Variants in PRKCE observed in about 807,000 individuals in gnomAD.
PRKCE encodes protein kinase C epsilon type.
Under a neutral mutation model 85.4 loss-of-function variants are expected in PRKCE, and 16 were observed. The ratio of observed to expected loss-of-function variants is 0.19; its 90% CI spans 0.13 to 0.28. The LOEUF (loss-of-function observed/expected upper bound fraction) is 0.28. PRKCE is among the 10% of genes least tolerant of loss of function. The probability of loss-of-function intolerance (pLI) is 1.00; values close to 1 mark genes in which losing one functional copy is unlikely to be tolerated. For synonymous variants in PRKCE, 388 were observed against 371.5 expected (o/e 1.04, Z -0.51); for missense variants, 573 against 975.2 (o/e 0.59, Z 5.49).
rs188515448 is a variant in PRKCE at position 45,815,308 on chromosome 2, G to T, written c.349-27692G>T. Among the ~76,000 whole-genome samples the T allele has an allele frequency of 3.2e-4, 49 of 152,330 alleles. 1 individual carries two copies. The highest frequency in any genetic ancestry group is 2.3e-3 in the South Asian group (11 of 4,820). On this transcript the variant is annotated intron_variant, in intron 1 of 14. Transcript: ENST00000306156. ...GTGTTAGTTCTAGAACCTAAAGAAA[G>T]CAGTATGTTCTTTGAGCTGCAAGTG...
At chr2:45,974,036 C>G (rs1243924098) in intron 2 of PRKCE, among the ~76,000 whole-genome samples, 1 of 152,166 alleles carries the variant, frequency 6.6e-6, no homozygotes, top group Non-Finnish European at 1.5e-5. Context: ...AACCTGCATC[C>G]TGTGTCCTAT....
chr2:45,708,409 G>C (rs893414707), intron 1 of PRKCE, among the ~76,000 whole-genome samples: 1 of 152,172 alleles, frequency 6.6e-6, no homozygotes, highest in African/African-American at 2.4e-5. Flanking sequence ...CCTGGTGGGA[G>C]GTAATTGAAT....
chr2:45,677,055 A>G (rs1053923945), intron 1 of PRKCE: 20 of 152,084 alleles, frequency 1.3e-4, no homozygotes, highest in African/African-American at 3.6e-4. Flanking sequence ...AGAAGGCGAC[A>G]TTTCAGCAGA....
At chr2:45,701,828 C>A (rs1266571234) in intron 1 of PRKCE, among the ~76,000 whole-genome samples, 3 of 152,150 alleles carry the variant, frequency 2.0e-5, no homozygotes, top group Non-Finnish European at 2.9e-5. Context: ...CTTAGAGACA[C>A]CGACGAGTCT....
chr2:45,693,258 A>T (rs143381824), intron 1 of PRKCE, among the ~76,000 whole-genome samples: 285 of 152,298 alleles, frequency 1.9e-3, no homozygotes, highest in African/African-American at 6.6e-3. Flanking sequence ...GCAGAGAGTA[A>T]ACTTGAAAGG....
chr2:45,757,087 C>T (rs746974657), intron 1 of PRKCE, among the ~76,000 whole-genome samples: 4 of 151,960 alleles, frequency 2.6e-5, no homozygotes, highest in Admixed American at 6.6e-5. Context: ...CCCATCTCTA[C>T]TCCAAATACA....
At chr2:46,154,676 T>C (rs1677023928) in intron 13 of PRKCE, among the ~76,000 whole-genome samples, 1 of 151,772 alleles carries the variant, frequency 6.6e-6, no homozygotes, top group African/African-American at 2.4e-5. Context: ...TTTCTCCTGC[T>C]GCCCTCTTAG....
chr2:46,012,883 A>G (rs181031933), intron 10 of PRKCE, among the ~76,000 whole-genome samples: 5 of 152,360 alleles, frequency 3.3e-5, no homozygotes, highest in African/African-American at 1.2e-4. Context: ...ATGGCAGAAC[A>G]GTGATCAAGC....
chr2:45,766,053 A>C lies in PRKCE; in HGVS notation c.349-76947A>C, dbSNP rs143756203. Among the ~76,000 whole-genome samples, 69 of 152,280 alleles carry C rather than the reference A, an allele frequency of 4.5e-4. No individual in the cohort carries two copies. The East Asian group carries it at 0.012, about 27-fold the overall frequency. On this transcript the variant is annotated intron_variant, in intron 1 of 14. Coordinates refer to ENST00000306156, the MANE Select transcript of PRKCE (RefSeq NM_005400.3). ...AGAAAAGTTAAAACAAATACTGGAGATAGGGGAGATTATTTTAGGACTCTG... is the reference window on the plus strand; with the variant it reads ...AGAAAAGTTAAAACAAATACTGGAGCTAGGGGAGATTATTTTAGGACTCTG...
chr2:46,115,784 A>T (rs1672707832), intron 11 of PRKCE, among the ~76,000 whole-genome samples: 1 of 152,198 alleles, frequency 6.6e-6, no homozygotes, highest in Non-Finnish European at 1.5e-5. Flanking sequence ...GTTTGTAATT[A>T]GCACCCCATC....
intron 11 of PRKCE, among the ~76,000 whole-genome samples, chr2:46,123,477 T>G (rs1309371268): frequency 6.6e-6 from 1 of 152,028 alleles, no homozygotes; most frequent in African/African-American, 2.4e-5. Context: ...GCAAACTTTA[T>G]GGGTTTCTTT....
intron 2 of PRKCE, among the ~76,000 whole-genome samples, chr2:45,946,786 T>G (rs989192608): frequency 3.3e-5 from 5 of 152,250 alleles, no homozygotes; most frequent in African/African-American, 9.6e-5. Flanking sequence ...AACATGGGTG[T>G]GACCATGTTC....
chr2:45,688,828 G>A (rs926833968), intron 1 of PRKCE, among the ~76,000 whole-genome samples: 1 of 152,236 alleles, frequency 6.6e-6, no homozygotes, highest in Non-Finnish European at 1.5e-5. Flanking sequence ...CCTACTGCAA[G>A]TGCTCCTTGT....
At chr2:45,740,072 C>A (rs1427477702) in intron 1 of PRKCE, among the ~76,000 whole-genome samples, 4 of 150,858 alleles carry the variant, frequency 2.7e-5, no homozygotes, top group African/African-American at 9.8e-5. Context: ...GCCCCAACTA[C>A]CTGGGAGGCT....
At chr2:45,717,425 G>C (rs1680231409) in intron 1 of PRKCE, among the ~76,000 whole-genome samples, 1 of 152,058 alleles carries the variant, frequency 6.6e-6, no homozygotes, top group South Asian at 2.1e-4. Context: ...ATCTATACAT[G>C]GGCACATGCA....
chr2:45,991,975 G>C (rs985587705), intron 6 of PRKCE, among the ~76,000 whole-genome samples: 1 of 152,180 alleles, frequency 6.6e-6, no homozygotes, highest in African/African-American at 2.4e-5. Context: ...TAACTGAAAA[G>C]CATGTTGTCC....
At chr2:46,046,586 C>T (rs1708537520) in intron 10 of PRKCE, among the ~76,000 whole-genome samples, 1 of 152,188 alleles carries the variant, frequency 6.6e-6, no homozygotes, top group African/African-American at 2.4e-5. Context: ...AAGCATGTGG[C>T]ATTTTTCTAA....
intron 13 of PRKCE, among the ~76,000 whole-genome samples, chr2:46,153,752 TTCTTCCTCC>T (rs1676878488): frequency 6.6e-6 from 1 of 151,186 alleles, no homozygotes; most frequent in East Asian, 1.9e-4. Context: ...CCTCTTCCTC[TTCTTCCTCC>T]TCTTCCTCTT....
At position 45,905,813 on chromosome 2, in the gene PRKCE, T is replaced by A. The variant is rs76692194; in HGVS notation, c.412+62750T>A. ...TTGACCTGAACTGCTTACTCAACTC[T>A]GTACTCAGTTACAAATTGGGTGAGA... On this transcript the variant is annotated intron_variant, in intron 2 of 14. Coordinates refer to ENST00000306156, the MANE Select transcript of PRKCE (RefSeq NM_005400.3). This position sits in a 1 kb window ranked among gnomAD's most constrained non-coding sequence, Gnocchi z 4.4. 0.074 allele frequency among the ~76,000 whole-genome samples: 11,273 copies of A among 152,316 alleles called. 930 individuals are homozygous for A. Among genetic ancestry groups the A allele is most frequent in the East Asian group, 0.42 (2,169 of 5,174 alleles).
Sources: allele counts gnomAD v4.1 joint callset (sites outside exome capture counted in the v4.1 genomes callset), GRCh38; gene constraint gnomAD v4.1.1; non-coding constraint Gnocchi (gnomAD v3.1); transcripts MANE v1.5; gene names NCBI Gene and HGNC (gene_info 2026-07-23, HGNC 2026-07-21).